The following KBTBD3 variants were observed in gnomAD, a reference collection of about 807,000 sequenced individuals.
The protein encoded by KBTBD3 is kelch repeat and BTB domain-containing protein 3.
In KBTBD3, 38 loss-of-function variants were observed where a neutral mutation model predicts 49.6. That is an observed-to-expected ratio of 0.77 (90% CI 0.59 to 1.00). The LOEUF is 1.00. KBTBD3 is among the 50% of genes least tolerant of loss of function. The pLI is 0.00. For synonymous variants in KBTBD3, 214 were observed against 250.4 expected (o/e 0.85, Z 1.37); for missense variants, 661 against 712.0 (o/e 0.93, Z 0.81).
chr11:106,057,057 G>A (rs1169522726), intron 3 of KBTBD3, among the ~76,000 whole-genome samples: 1 of 152,190 alleles, frequency 6.6e-6, no homozygotes, highest in South Asian at 2.1e-4. Flanking sequence ...GTTCAAGACC[G>A]TTGTAGCCTC....
At chr11:106,055,427 G>A (rs1395210795) in intron 3 of KBTBD3, among the ~76,000 whole-genome samples, 1 of 152,110 alleles carries the variant, frequency 6.6e-6, no homozygotes, top group South Asian at 2.1e-4. Context: ...ACTCAAGAAG[G>A]TAATGAAATC....
chr11:106,072,275 C>T (rs1258015938), intron 2 of KBTBD3, among the ~76,000 whole-genome samples: 1 of 152,106 alleles, frequency 6.6e-6, no homozygotes, highest in African/African-American at 2.4e-5. Context: ...AATGAAAAGA[C>T]ACTTTGAATG....
chr11:106,073,964 G>C (rs888856711), intron 2 of KBTBD3, among the ~76,000 whole-genome samples: 7 of 151,972 alleles, frequency 4.6e-5, no homozygotes, highest in Non-Finnish European at 1.0e-4. Flanking sequence ...AGAGAAGTAG[G>C]GTCCAAGTCA....
At chr11:106,076,081 C>T (rs1861022785) in intron 2 of KBTBD3, 1 of 152,118 alleles carries the variant, frequency 6.6e-6, no homozygotes, top group African/African-American at 2.4e-5. Context: ...CAGTTTAAAA[C>T]GACAAGAAGG....
intron 2 of KBTBD3, among the ~76,000 whole-genome samples, chr11:106,067,860 C>T (rs1418165286): frequency 2.0e-5 from 3 of 150,550 alleles, no homozygotes; most frequent in Non-Finnish European, 4.4e-5. Context: ...AAAAAGTGAC[C>T]CAACTTTATG....
At chr11:106,061,102 G>A (rs1860684283) in intron 2 of KBTBD3, among the ~76,000 whole-genome samples, 1 of 152,074 alleles carries the variant, frequency 6.6e-6, no homozygotes. Flanking sequence ...CTTTCTTAAT[G>A]CACCCTCTCC....
At position 106,054,012 on chromosome 11, in the gene KBTBD3, T is replaced by A. The variant is rs748167802; in HGVS notation, c.677A>T (p.Asn226Ile). 6.2e-7 allele frequency: 1 copy of A among 1,613,750 alleles called. No homozygotes were observed. The highest frequency in any genetic ancestry group is 1.3e-5 in the African/African-American group (1 of 74,920). Residue 226 changes from asparagine to isoleucine, a missense_variant, in exon 4 of 4, where the codon AAC (asparagine) becomes ATC (isoleucine). Asn to Ile is a moderately radical substitution (Grantham distance 149). Transcript: ENST00000531837. Reference sequence around the variant, plus strand: ...CAGATACTTTTGCCTTGATTCTAAGTTATGTTTAGTCCAACTAAGGACAAC... The same window carrying A: ...CAGATACTTTTGCCTTGATTCTAAGATATGTTTAGTCCAACTAAGGACAAC... ...LKVVLSWTKH[N>I]LESRQKYLPH...
Position 106,054,322 on chromosome 11 carries a change from C to A in KBTBD3, c.367G>T (p.Glu123Ter), listed in dbSNP as rs748704828. 6.2e-7 allele frequency: 1 copy of A among 1,613,236 alleles called. No homozygotes were observed. The highest frequency in any genetic ancestry group is 1.1e-5 in the South Asian group (1 of 90,982). The change falls in exon 4 of 4, where the codon GAA (glutamate) becomes TAA (stop). Residue 123 changes from glutamate to a stop codon, truncating the protein, a stop_gained. Coordinates refer to ENST00000531837, the MANE Select transcript of KBTBD3 (RefSeq NM_198439.3). LOFTEE classifies it high-confidence loss of function. ...GKTKITDDNV[E>*]MFFQLSSFLQ... ...AATGATGACAACTGGAAGAACATTT[C>A]CACATTATCATCTGTTATTTTTGTT... is the stretch of plus-strand genomic sequence containing the variant.
At chr11:106,071,773 C>G (rs923454054) in intron 2 of KBTBD3, among the ~76,000 whole-genome samples, 3 of 152,240 alleles carry the variant, frequency 2.0e-5, no homozygotes, top group African/African-American at 7.2e-5. Context: ...CCTACTTAGG[C>G]TCTCTGAGGC....
intron 3 of KBTBD3, 195 bp downstream of exon 3, chr11:106,058,670 C>A: frequency 2.0e-6 from 1 of 511,816 alleles, no homozygotes; most frequent in Non-Finnish European, 3.4e-6. Context: ...GTGATCCGCC[C>A]GCCTTGGCCT....
intron 2 of KBTBD3, among the ~76,000 whole-genome samples, chr11:106,066,039 A>G (rs1007617274): frequency 1.3e-5 from 2 of 152,082 alleles, no homozygotes; most frequent in African/African-American, 4.8e-5. Flanking sequence ...TTGCTTTGGT[A>G]TAGATGGGAG....
At chr11:106,073,128 G>A (rs1860951727) in intron 2 of KBTBD3, among the ~76,000 whole-genome samples, 1 of 152,000 alleles carries the variant, frequency 6.6e-6, no homozygotes, top group African/African-American at 2.4e-5. Context: ...GGGTCTTGCT[G>A]TGTCACCCAG....
At position 106,059,000 on chromosome 11, in the gene KBTBD3, T is replaced by A; in HGVS notation, c.98A>T (p.Asp33Val). The A allele has an allele frequency of 6.4e-7, 1 of 1,559,976 alleles. No homozygotes were observed. The highest frequency in any genetic ancestry group is 1.2e-5 in the South Asian group (1 of 81,444). ...TACACTTAAGATTTTTTGTCCATGA[T>A]CTTCTGATACAAGGAAGTTGTTTTT... Reference protein sequence around the residue: ...EKKNNFLVSEDHGQKILSVLQ... With the variant: ...EKKNNFLVSEVHGQKILSVLQ... The change falls in exon 3 of 4, where the codon GAT becomes GTT. Residue 33 changes from aspartate to valine, a missense_variant. Transcript: ENST00000531837.
At chr11:106,067,836 T>C (rs1158103424) in intron 2 of KBTBD3, among the ~76,000 whole-genome samples, 1 of 151,990 alleles carries the variant, frequency 6.6e-6, no homozygotes, top group Non-Finnish European at 1.5e-5. Context: ...AAAGATAGAT[T>C]ACCAGAGAAG....
At chr11:106,072,631 C>T (rs1217866615) in intron 2 of KBTBD3, among the ~76,000 whole-genome samples, 3 of 151,948 alleles carry the variant, frequency 2.0e-5, no homozygotes, top group Non-Finnish European at 2.9e-5. Context: ...AAGAACCAAG[C>T]CTTTGATAAA....
intron 3 of KBTBD3, among the ~76,000 whole-genome samples, chr11:106,056,769 T>G (rs1459701098): frequency 6.6e-6 from 1 of 152,202 alleles, no homozygotes; most frequent in East Asian, 1.9e-4. Flanking sequence ...AGCTTGGATT[T>G]AGATTTAGGG....
At position 106,063,058 on chromosome 11, in the gene KBTBD3, G is replaced by A. The variant is rs111401591; in HGVS notation, c.-12-3949C>T. 3.3e-3 allele frequency among the ~76,000 whole-genome samples: 501 copies of A among 152,342 alleles called. 2 individuals are homozygous for A. Among genetic ancestry groups the A allele is most frequent in the African/African-American group, 0.011 (475 of 41,576 alleles). ...AAAAATCATACATCTTCCCAAGAGT[G>A]TGATATAATGTTGTTAAATAAGATG... On this transcript the variant is annotated intron_variant, in intron 2 of 3. Transcript: ENST00000531837.
rs570584349 is a variant in KBTBD3 at position 106,062,787 on chromosome 11, A to G, written c.-12-3678T>C. Among the ~76,000 whole-genome samples the G allele has an allele frequency of 2.0e-5, 3 of 152,340 alleles. No homozygotes were observed. In the East Asian group the frequency reaches 5.8e-4, roughly 29 times the overall value. On this transcript the variant is annotated intron_variant, in intron 2 of 3. Coordinates refer to ENST00000531837, the MANE Select transcript of KBTBD3 (RefSeq NM_198439.3). ...CCCAGGCAAGCTTATAAATGAAATTAACTGTCACAACAGTTCAAATCTTGA... is the reference window on the plus strand; with the variant it reads ...CCCAGGCAAGCTTATAAATGAAATTGACTGTCACAACAGTTCAAATCTTGA...
chr11:106,053,348 T>C lies in KBTBD3; in HGVS notation c.1341A>G (p.Pro447=), dbSNP rs752991617. The change falls in exon 4 of 4, where the codon CCA becomes CCG. Residue 447 remains proline, a synonymous_variant. Transcript: ENST00000531837. ...TTACATTTTGGCATGTGCTTGCTTC[T>C]GGATAGTATATGCCTCTGGGTAATG... ...VSPLPRGIYY[P]EASTCQNVIY... is the part of the protein sequence containing the mutation. 104 of 1,613,268 alleles carry C rather than the reference T, an allele frequency of 6.4e-5. No homozygotes were observed. Among genetic ancestry groups the C allele is most frequent in the Non-Finnish European group, 8.4e-5 (99 of 1,179,834 alleles).
Sources: allele counts gnomAD v4.1 joint callset (sites outside exome capture counted in the v4.1 genomes callset), GRCh38; gene constraint gnomAD v4.1.1; transcripts MANE v1.5; gene names NCBI Gene and HGNC (gene_info 2026-07-23, HGNC 2026-07-21).